The following BUD23 variants were observed in gnomAD, a reference collection of about 807,000 sequenced individuals.
BUD23 encodes 18S rRNA (guanine-N(7))-methyltransferase.
Under a neutral mutation model 47.0 loss-of-function variants are expected in BUD23, and 34 were observed. That is an observed-to-expected ratio of 0.72 (90% CI 0.55 to 0.96). The LOEUF is 0.96. Ranked by LOEUF, BUD23 falls within the 40% of genes least tolerant of loss-of-function variation. The probability of loss-of-function intolerance (pLI) is 0.00; values close to 1 mark genes in which losing one functional copy is unlikely to be tolerated. For synonymous variants in BUD23, 124 were observed against 132.0 expected (o/e 0.94, Z 0.41); for missense variants, 343 against 361.2 (o/e 0.95, Z 0.41).
At chr7:73,692,713 AGCGACAAAGAATCTTATGCAGATTG>A (rs1484165462) in intron 7 of BUD23, 67 bp downstream of exon 7, 8 of 1,487,880 alleles carry the variant, frequency 5.4e-6, no homozygotes, top group Non-Finnish European at 7.4e-6. Flanking sequence ...GTCCTGGGGA[AGCGACAAAGAATCTTATGCAGATTG>A]GCGGGAAAAG....
At chr7:73,688,609 C>T (rs1554613509) in intron 5 of BUD23, among the ~76,000 whole-genome samples, 1 of 152,204 alleles carries the variant, frequency 6.6e-6, no homozygotes, top group Non-Finnish European at 1.5e-5. Context: ...TCTCTGTAAT[C>T]AGAGTCGGGT....
chr7:73,694,725 C>T (rs529393567), intron 10 of BUD23: 2 of 152,566 alleles, frequency 1.3e-5, no homozygotes, highest in South Asian at 4.1e-4. Context: ...GCAGTGCGCT[C>T]CCTCCTTGAC....
chr7:73,688,118 A>C (rs543862535), intron 5 of BUD23, among the ~76,000 whole-genome samples: 1 of 151,932 alleles, frequency 6.6e-6, no homozygotes. Context: ...GGATGGTCTC[A>C]ATCTCCTGAC....
intron 2 of BUD23, 85 bp from the exon 3 acceptor site, chr7:73,686,551 T>G (rs1384970024): frequency 1.3e-5 from 16 of 1,260,534 alleles, no homozygotes; most frequent in Non-Finnish European, 1.7e-5. Flanking sequence ...TAACTTGGCT[T>G]TTTTTTGTTT....
intron 5 of BUD23, 122 bp downstream of exon 5, chr7:73,687,217 T>G: frequency 1.0e-6 from 1 of 990,290 alleles, no homozygotes; most frequent in Non-Finnish European, 1.5e-6. Context: ...TGGGTTCAGG[T>G]GATCTGCCCA....
chr7:73,697,914 TGCC>T lies in BUD23; in HGVS notation c.*29_*31del. 1 of 1,604,938 alleles carries T rather than the reference TGCC, an allele frequency of 6.2e-7. No homozygotes were observed. The highest frequency in any genetic ancestry group is 1.3e-5 in the African/African-American group (1 of 74,322). Reference sequence around the variant, plus strand: ...CACCACGCGGTTCTGGAAAGGCACTTGCCTCTGCACTTTTCTATATTGTTCAGC... The same window carrying T: ...CACCACGCGGTTCTGGAAAGGCACTTTCTGCACTTTTCTATATTGTTCAGC... On this transcript the variant is annotated 3_prime_UTR_variant, in exon 12 of 12. Coordinates refer to ENST00000265758, the MANE Select transcript of BUD23 (RefSeq NM_017528.5).
At chr7:73,696,582 G>A (rs1255252935) in intron 10 of BUD23, 1 of 152,252 alleles carries the variant, frequency 6.6e-6, no homozygotes, top group Non-Finnish European at 1.5e-5. Context: ...TCGTTCTGTA[G>A]GCTCTCACTT....
chr7:73,697,768 T>A, intron 11 of BUD23, 64 bp from the exon 12 acceptor site: 2 of 1,609,640 alleles, frequency 1.2e-6, no homozygotes, highest in Admixed American at 3.3e-5. Context: ...TTCCCTTTAT[T>A]TGAAGGGTCC....
At chr7:73,690,653 TAAGTA>T (rs1376322765) in intron 5 of BUD23, among the ~76,000 whole-genome samples, 1 of 152,184 alleles carries the variant, frequency 6.6e-6, no homozygotes, top group African/African-American at 2.4e-5. Flanking sequence ...AAAAATACTT[TAAGTA>T]AAGATGGGGT....
intron 10 of BUD23, 112 bp from the exon 11 acceptor site, chr7:73,697,493 C>T: frequency 6.4e-7 from 1 of 1,570,322 alleles, no homozygotes; most frequent in African/African-American, 1.3e-5. Flanking sequence ...AGAGAAGGGG[C>T]ATCCGAGGCC....
rs782666465 is a variant in BUD23 at position 73,683,783 on chromosome 7, A to G, written c.65A>G (p.Glu22Gly). 3.1e-6 allele frequency: 5 copies of G among 1,614,038 alleles called. No homozygotes were observed. Among genetic ancestry groups the G allele is most frequent in the Non-Finnish European group, 4.2e-6 (5 of 1,180,040 alleles). Residue 22 changes from glutamate (E) to glycine (G), a missense_variant, in exon 2 of 12, where the codon GAA becomes GGA. Glu to Gly is a moderately conservative substitution (Grantham distance 98). Transcript: ENST00000265758. The stretch of plus-strand genomic sequence containing the variant: ...TTTTCGCAGTTTTATGACGAGACAG[A>G]AGCCCGGAAATACGTTCGCAAGTGA... ...GPPELFYDET[E>G]ARKYVRNSRM...
In BUD23 at chr7:73,686,866, T is replaced by C. The variant is rs1554613107; in HGVS notation, c.231T>C (p.Tyr77=). 6.2e-6 allele frequency: 10 copies of C among 1,614,074 alleles called. No individual in the cohort carries two copies. Among genetic ancestry groups the C allele is most frequent in the South Asian group, 5.5e-5 (5 of 91,092 alleles). The part of the protein sequence containing the change: ...SGSYLSDEGH[Y]WVGLDISPAM... Reference sequence around the variant, plus strand: ...GTTATCTGTCAGATGAAGGGCACTATTGGGTGGGCCTGGATATCAGCCCTG... The same window carrying C: ...GTTATCTGTCAGATGAAGGGCACTACTGGGTGGGCCTGGATATCAGCCCTG... The change falls in exon 4 of 12, where the codon TAT becomes TAC. Residue 77 remains tyrosine (Y), a synonymous_variant. Transcript: ENST00000265758.
At chr7:73,691,755 A>G (rs1554614055) in intron 6 of BUD23, among the ~76,000 whole-genome samples, 2 of 150,108 alleles carry the variant, frequency 1.3e-5, no homozygotes, top group African/African-American at 4.9e-5. Flanking sequence ...ACACACCACC[A>G]TGCCAGGCTA....
rs782351813 is a variant in BUD23 at position 73,697,910 on chromosome 7, C to A, written c.*24C>A. On this transcript the variant is annotated 3_prime_UTR_variant, in exon 12 of 12. Coordinates refer to ENST00000265758, the MANE Select transcript of BUD23 (RefSeq NM_017528.5). Reference sequence around the variant, plus strand: ...AAGTCACCACGCGGTTCTGGAAAGGCACTTGCCTCTGCACTTTTCTATATT... The same window carrying A: ...AAGTCACCACGCGGTTCTGGAAAGGAACTTGCCTCTGCACTTTTCTATATT... 6.2e-7 allele frequency: 1 copy of A among 1,605,962 alleles called. No homozygotes were observed. Among genetic ancestry groups the A allele is most frequent in the Non-Finnish European group, 8.5e-7 (1 of 1,177,744 alleles).
intron 2 of BUD23, among the ~76,000 whole-genome samples, chr7:73,685,749 G>A (rs879975818): frequency 6.6e-6 from 1 of 150,696 alleles, no homozygotes; most frequent in Non-Finnish European, 1.5e-5. Context: ...GTGATATTTT[G>A]AACATATTGA....
intron 5 of BUD23, among the ~76,000 whole-genome samples, chr7:73,690,358 G>A (rs566781746): frequency 8.5e-4 from 129 of 152,242 alleles, no homozygotes; most frequent in African/African-American, 2.8e-3. Flanking sequence ...TAGAGTGGAA[G>A]GGAGTGATTT....
rs546513281 is a variant in BUD23, at chr7:73,687,554, T to G, written c.362+459T>G. On this transcript the variant is annotated intron_variant, in intron 5 of 11. Transcript: ENST00000265758. Reference sequence around the variant, plus strand: ...CCTCCCAAAGTGCTGGGATTACAGGTGTGAGCCACCGTGCACAGCCTAACT... The same window carrying G: ...CCTCCCAAAGTGCTGGGATTACAGGGGTGAGCCACCGTGCACAGCCTAACT... 2.0e-3 allele frequency among the ~76,000 whole-genome samples: 310 copies of G among 152,042 alleles called. 1 individual carries two copies. The highest frequency in any genetic ancestry group is 6.6e-3 in the African/African-American group (275 of 41,490).
Position 73,693,489 on chromosome 7 carries a change from G to A in BUD23, c.596+75G>A, listed in dbSNP as rs1449152615. 5 of 1,600,524 alleles carry A rather than the reference G, an allele frequency of 3.1e-6. No homozygotes were observed. The African/African-American group carries it at 4.0e-5, about 13-fold the overall frequency. On this transcript the variant is annotated intron_variant, in intron 8 of 11. Coordinates refer to ENST00000265758, the MANE Select transcript of BUD23 (RefSeq NM_017528.5). ...TGGCATAGCCCTTTCAGGCCACTCA[G>A]TGGTGCAGAGGAGTGCTGGGGTGTG...
chr7:73,692,462 T>C, intron 6 of BUD23, 134 bp from the exon 7 acceptor site: 6 of 750,790 alleles, frequency 8.0e-6, no homozygotes, highest in South Asian at 6.8e-5. Flanking sequence ...TTGTTCATAC[T>C]ATCCCCAGCC....
Sources: allele counts gnomAD v4.1 joint callset (sites outside exome capture counted in the v4.1 genomes callset), GRCh38; gene constraint gnomAD v4.1.1; transcripts MANE v1.5; gene names NCBI Gene and HGNC (gene_info 2026-07-23, HGNC 2026-07-21).